The following TRIM16 variants were observed in gnomAD, a reference collection of about 807,000 sequenced individuals.
The protein encoded by TRIM16 is tripartite motif containing 16, also known as tripartite motif-containing protein 16.
TRIM16 carries 33 observed loss-of-function variants against 50.4 expected under a neutral mutation model. The ratio of observed to expected loss-of-function variants is 0.65; its 90% CI spans 0.50 to 0.88. The LOEUF (loss-of-function observed/expected upper bound fraction) is 0.88. Among genes scored for constraint, TRIM16 ranks in the 40% least tolerant of loss-of-function variants. TRIM16 has a pLI of 0.00. For missense variants in TRIM16, 581 were observed against 686.8 expected (o/e 0.85, Z 1.72); for synonymous variants, 229 against 270.7 (o/e 0.85, Z 1.51).
intron 8 of TRIM16, among the ~76,000 whole-genome samples, chr17:15,638,780 G>A (rs992059937): frequency 1.8e-4 from 27 of 147,634 alleles, no homozygotes; most frequent in African/African-American, 5.5e-4. Context: ...ACTCAGAAAG[G>A]ATGGGATTCT....
chr17:15,632,668 A>G lies in TRIM16; in HGVS notation c.856T>C (p.Cys286Arg), dbSNP rs1248588705. 3 of 1,594,518 alleles carry G rather than the reference A, an allele frequency of 1.9e-6. No individual in the cohort carries two copies. Among genetic ancestry groups the G allele is most frequent in the South Asian group, 1.1e-5 (1 of 88,520 alleles). The part of the protein sequence containing the change: ...SNTVQFLEEY[C>R]KFKNTEDITF... ...ATGTCTTCAGTGTTCTTAAACTTGCAGTACTCCTGCAGAAAAGGAAACAGC... is the reference window on the plus strand; with the variant it reads ...ATGTCTTCAGTGTTCTTAAACTTGCGGTACTCCTGCAGAAAAGGAAACAGC... Residue 286 changes from cysteine (C) to arginine (R), a missense_variant, in exon 10 of 12, where the codon TGC becomes CGC. Coordinates refer to ENST00000649191, the MANE Select transcript of TRIM16 (RefSeq NM_001348119.1).
chr17:15,631,833 G>A (rs565845558), intron 10 of TRIM16, 119 bp from the exon 11 acceptor site: 2 of 868,672 alleles, frequency 2.3e-6, no homozygotes, highest in African/African-American at 3.3e-5. Context: ...GCTGAAGCCT[G>A]GTAATGTTTC....
intron 6 of TRIM16, 45 bp downstream of exon 6, chr17:15,677,131 C>T: frequency 1.0e-6 from 1 of 981,996 alleles, no homozygotes; most frequent in Non-Finnish European, 1.2e-6. Context: ...GGAAGAACCC[C>T]TAACTCTTAT....
rs112493984 is a variant in TRIM16 at position 15,670,029 on chromosome 17, AC to A, written c.-338+7146del. Among the ~76,000 whole-genome samples the A allele has an allele frequency of 3.1e-3, 474 of 152,340 alleles. 4 individuals are homozygous for A. The highest frequency in any genetic ancestry group is 0.01 in the African/African-American group (436 of 41,560). On this transcript the variant is annotated intron_variant, in intron 6 of 11. Transcript: ENST00000649191. ...AGTCTTGTGAGTGCAAAGTAGAGAA[AC>A]AAAAGGTGTTCACTCATTCACTCAT...
At chr17:15,648,868 A>G (rs2150916202) in intron 7 of TRIM16, among the ~76,000 whole-genome samples, 2 of 152,346 alleles carry the variant, frequency 1.3e-5, no homozygotes, top group Middle Eastern at 6.8e-3. Flanking sequence ...AAGGACACAG[A>G]AAGGACAAGA....
intron 4 of TRIM16, among the ~76,000 whole-genome samples, chr17:15,679,281 C>T (rs1332642439): frequency 6.6e-6 from 1 of 152,144 alleles, no homozygotes; most frequent in East Asian, 1.9e-4. Context: ...TTGGAAAGCA[C>T]CAGAACGCTC....
At position 15,628,088 on chromosome 17, in the gene TRIM16, A is replaced by G. The variant is rs1986196984; in HGVS notation, c.*527T>C. ...TGAACAGAGAGGAGAATGGCACTAG[A>G]AGATGAGGGAGATTTGGTGCCTAAA... On this transcript the variant is annotated 3_prime_UTR_variant, in exon 12 of 12. Transcript: ENST00000649191. The G allele has an allele frequency of 6.5e-6, 1 of 152,958 alleles. No homozygotes were observed. Among genetic ancestry groups the G allele is most frequent in the African/African-American group, 2.4e-5 (1 of 41,434 alleles). The allele number at this position is 152,958 out of a possible 1,614,324, so 9.5% of individuals were successfully genotyped here.
chr17:15,667,061 T>C (rs1320056320), intron 6 of TRIM16, among the ~76,000 whole-genome samples: 1 of 152,168 alleles, frequency 6.6e-6, no homozygotes, highest in Non-Finnish European at 1.5e-5. Context: ...TTGCCTTCCT[T>C]CATCTTACAT....
In TRIM16 at chr17:15,651,289, C is replaced by T. The variant is rs755629686; in HGVS notation, c.321G>A (p.Pro107=). ...MVNYCEEHLQ[P]HQVNIKLQSH... The stretch of plus-strand genomic sequence containing the variant: ...TTTGCAGTTTGATGTTCACCTGATG[C>T]GGCTGCAAGTGCTCTTCACAGTAAT... Residue 107 remains proline (P), a synonymous_variant, in exon 7 of 12, where the codon CCG becomes CCA. Coordinates refer to ENST00000649191, the MANE Select transcript of TRIM16 (RefSeq NM_001348119.1). 28 of 1,614,224 alleles carry T rather than the reference C, an allele frequency of 1.7e-5. No homozygotes were observed. The highest frequency in any genetic ancestry group is 6.7e-5 in the Admixed American group (4 of 60,030).
In TRIM16 at chr17:15,683,786, A is replaced by G. The variant is rs538713935; in HGVS notation, c.-899+410T>C. ...ACTCTCTGAAAATGTGGATAAACAG[A>G]TCTCTGATATCCATCCCCTCCTACG... On this transcript the variant is annotated intron_variant, in intron 1 of 11. Transcript: ENST00000649191. The G allele has an allele frequency of 3.9e-5, 6 of 152,446 alleles. No individual in the cohort carries two copies. In the South Asian group the frequency reaches 6.2e-4, roughly 16 times the overall value. The allele number at this position is 152,446 out of a possible 1,614,324, so 9.4% of individuals were successfully genotyped here. A position where few individuals can be genotyped will look rare whatever the true frequency, so the allele number is the denominator to read the frequency against.
chr17:15,629,934 C>T (rs1986327394), intron 11 of TRIM16, among the ~76,000 whole-genome samples: 1 of 152,194 alleles, frequency 6.6e-6, no homozygotes, highest in African/African-American at 2.4e-5. Context: ...CTCTCTTGCC[C>T]CCTTCAAGAC....
chr17:15,648,150 C>T (rs1350986967), intron 7 of TRIM16, among the ~76,000 whole-genome samples: 3 of 150,008 alleles, frequency 2.0e-5, no homozygotes, highest in African/African-American at 4.9e-5. Flanking sequence ...GGCATGAACC[C>T]GGGAGGCAGA....
chr17:15,653,121 A>G (rs990470581), intron 6 of TRIM16, among the ~76,000 whole-genome samples: 6 of 152,166 alleles, frequency 3.9e-5, no homozygotes, highest in African/African-American at 1.4e-4. Context: ...TCGTTCTATC[A>G]ATATTAGCTG....
At chr17:15,632,806 T>A in intron 9 of TRIM16, 132 bp from the exon 10 acceptor site, 1 of 1,237,986 alleles carries the variant, frequency 8.1e-7, no homozygotes, top group South Asian at 2.0e-5. Context: ...AGAAAGTACA[T>A]GTGAAGTGTC....
chr17:15,632,111 G>A, intron 10 of TRIM16: 1 of 301,504 alleles, frequency 3.3e-6, no homozygotes, highest in Non-Finnish European at 6.3e-6. Context: ...ACATTTGACT[G>A]GGCACGGTGG....
At chr17:15,651,017 G>T (rs656485) in intron 7 of TRIM16, 74 bp downstream of exon 7, 1 of 1,541,138 alleles carries the variant, frequency 6.5e-7, no homozygotes. Flanking sequence ...AGTGGACCTA[G>T]CAGCTGCAGC....
chr17:15,662,272 G>A (rs1325773709), intron 6 of TRIM16, among the ~76,000 whole-genome samples: 1 of 152,182 alleles, frequency 6.6e-6, no homozygotes, highest in East Asian at 1.9e-4. Context: ...CAATGATGGA[G>A]TCAGAATTTA....
chr17:15,628,724 G>A lies in TRIM16; in HGVS notation c.1586C>T (p.Pro529Leu). 1 of 1,614,172 alleles carries A rather than the reference G, an allele frequency of 6.2e-7. No individual in the cohort carries two copies. The highest frequency in any genetic ancestry group is 8.5e-7 in the Non-Finnish European group (1 of 1,180,034). The change falls in exon 12 of 12, where the codon CCA becomes CTA. Residue 529 changes from proline (P) to leucine (L), a missense_variant. Around this residue, in one of 3 missense-constraint regions of TRIM16, gnomAD observed 115 missense variants for 106.7 expected, o/e 1.08. Transcript: ENST00000649191. ...GGAAAGCCAGAAGGCAGCATAGACTGGTTCTGAAAATTTGCAGGCAAACTT... is the reference window on the plus strand; with the variant it reads ...GGAAAGCCAGAAGGCAGCATAGACTAGTTCTGAAAATTTGCAGGCAAACTT... Reference protein sequence around the residue: ...VHKFACKFSEPVYAAFWLSKK... With the variant: ...VHKFACKFSELVYAAFWLSKK...
At chr17:15,663,312 A>C (rs1485856402) in intron 6 of TRIM16, among the ~76,000 whole-genome samples, 1 of 152,136 alleles carries the variant, frequency 6.6e-6, no homozygotes, top group Non-Finnish European at 1.5e-5. Context: ...TGCAGCCATT[A>C]GATGCTGAAC....
Sources: gnomAD v4.1 joint callset for allele counts (sites outside exome capture counted in the v4.1 genomes callset) on GRCh38, gnomAD v4.1.1 for gene constraint, gnomAD v4.1.1 regional missense constraint, MANE v1.5 for transcripts, NCBI Gene and HGNC (gene_info 2026-07-23, HGNC 2026-07-21) for gene names.